MSANTD2: variants seen among roughly 807,000 people sequenced by gnomAD.
MSANTD2 encodes the protein myb/SANT-like DNA-binding domain-containing protein 2.
A neutral mutation model predicts 52.6 loss-of-function variants in MSANTD2; 19 were observed. That is an observed-to-expected ratio of 0.36 (90% CI 0.25 to 0.53). The LOEUF (loss-of-function observed/expected upper bound fraction) is 0.53, where lower values mean the gene tolerates loss of function less well. Among genes scored for constraint, MSANTD2 ranks in the 20% least tolerant of loss-of-function variants. The pLI, the probability that MSANTD2 is intolerant of heterozygous loss-of-function variation, is 0.91. For missense variants in MSANTD2, 558 were observed against 716.3 expected (o/e 0.78, Z 2.52); for synonymous variants, 291 against 289.7 (o/e 1.00, Z -0.04).
intron 1 of MSANTD2, chr11:124,783,759 A>G: frequency 1.0e-6 from 1 of 985,370 alleles, no homozygotes; most frequent in Non-Finnish European, 1.2e-6. Context: ...GGTCGTGCCC[A>G]TTCAGATTAC....
chr11:124,783,942 C>G (rs917075770), intron 1 of MSANTD2: 1 of 985,260 alleles, frequency 1.0e-6, no homozygotes, highest in Non-Finnish European at 1.2e-6. Flanking sequence ...AAAGGTCACA[C>G]CTAGCATGCA....
At chr11:124,784,517 C>A (rs767632891) in intron 1 of MSANTD2, 6 of 984,352 alleles carry the variant, frequency 6.1e-6, no homozygotes, top group Non-Finnish European at 7.2e-6. Flanking sequence ...CCGCACACAG[C>A]TTTACCATTA....
rs1341520809 is a variant in MSANTD2, at chr11:124,779,506, C to T, written c.511-4532G>A. 6.6e-6 allele frequency among the ~76,000 whole-genome samples: 1 copy of T among 152,146 alleles called. No homozygotes were observed. Among genetic ancestry groups the T allele is most frequent in the Non-Finnish European group, 1.5e-5 (1 of 68,030 alleles). On this transcript the variant is annotated intron_variant, in intron 1 of 3. Coordinates refer to ENST00000374979, the MANE Select transcript of MSANTD2 (RefSeq NM_001308027.2). The surrounding 1 kb of genome is among the most constrained non-coding windows in gnomAD (Gnocchi z 4.6). ...ACACTGTTCTAGCTAACTGACCATA[C>T]ATGGAATGGAGCACTATAACGTGGA...
chr11:124,796,114 A>C (rs1037934632), intron 1 of MSANTD2, among the ~76,000 whole-genome samples: 1 of 152,238 alleles, frequency 6.6e-6, no homozygotes, highest in African/African-American at 2.4e-5. Context: ...ACAGTATTAA[A>C]AAGTAGGATG....
At chr11:124,799,794 G>C (rs1372717367) in intron 1 of MSANTD2, 77 bp downstream of exon 1, 8 of 1,125,546 alleles carry the variant, frequency 7.1e-6, no homozygotes, top group Non-Finnish European at 9.9e-6. Context: ...CCCTCAGACC[G>C]GCCCCCGCCC....
At chr11:124,789,333 G>A (rs1261983436) in intron 1 of MSANTD2, 1 of 152,134 alleles carries the variant, frequency 6.6e-6, no homozygotes, top group Non-Finnish European at 1.5e-5. Flanking sequence ...AGATAGTAGA[G>A]AGACAGTACT....
At chr11:124,782,343 TG>T in intron 1 of MSANTD2, among the ~76,000 whole-genome samples, 1 of 151,862 alleles carries the variant, frequency 6.6e-6, no homozygotes, top group African/African-American at 2.4e-5. Context: ...TCTCAGCTAC[TG>T]GGGAGGCTGA....
At chr11:124,795,530 T>G (rs1404747516) in intron 1 of MSANTD2, among the ~76,000 whole-genome samples, 1 of 152,220 alleles carries the variant, frequency 6.6e-6, no homozygotes, top group Non-Finnish European at 1.5e-5. Context: ...ATCACACTTA[T>G]AGTCTGCTTT....
chr11:124,793,130 TTTAAG>T (rs993325635), intron 1 of MSANTD2, among the ~76,000 whole-genome samples: 2 of 152,224 alleles, frequency 1.3e-5, no homozygotes, highest in Non-Finnish European at 2.9e-5. Context: ...ATTTATATTG[TTTAAG>T]TTATCAATCC....
intron 1 of MSANTD2, 136 bp from the exon 2 acceptor site, chr11:124,775,110 A>T (rs188769280): frequency 2.8e-6 from 2 of 723,956 alleles, no homozygotes; most frequent in Admixed American, 6.8e-5. Context: ...CTAGATTTCA[A>T]ATTCATTATT....
In MSANTD2 at chr11:124,766,573, C is replaced by G. The variant is rs1311951947; in HGVS notation, c.*603G>C. 1 of 152,144 alleles carries G rather than the reference C, an allele frequency of 6.6e-6. No homozygotes were observed. The highest frequency in any genetic ancestry group is 1.5e-5 in the Non-Finnish European group (1 of 67,990). The allele number at this position is 152,144 out of a possible 1,614,324, so 9.4% of individuals were successfully genotyped here. On this transcript the variant is annotated 3_prime_UTR_variant, in exon 4 of 4. Transcript: ENST00000374979. ...ACACAACTGTAAAGTTGGTACATCA[C>G]AGAAACAAAGGTCTTTGCAAGCAAT...
rs1306108753 is a variant in MSANTD2 at position 124,776,200 on chromosome 11, C to T, written c.511-1226G>A. On this transcript the variant is annotated intron_variant, in intron 1 of 3. Transcript: ENST00000374979. ...ACTGCCAGACTAAATTTATCCTAAA[C>T]GTGAGATTGCTCTCCATAAGCCAAT... 6 of 152,360 alleles carry T rather than the reference C, an allele frequency of 3.9e-5. No homozygotes were observed. The East Asian group carries it at 9.6e-4, about 24-fold the overall frequency. The allele number at this position is 152,360 out of a possible 1,614,324, so 9.4% of individuals were successfully genotyped here.
intron 2 of MSANTD2, 169 bp from the exon 3 acceptor site, chr11:124,773,223 T>G: frequency 1.9e-6 from 1 of 520,644 alleles, no homozygotes; most frequent in Non-Finnish European, 3.4e-6. Flanking sequence ...TCTTATATAA[T>G]GAGATGCATA....
At chr11:124,792,879 C>G (rs747543300) in intron 1 of MSANTD2, 2 of 152,166 alleles carry the variant, frequency 1.3e-5, no homozygotes, top group African/African-American at 2.4e-5. Flanking sequence ...CCCTCCCCCC[C>G]TCCAGATACC....
intron 3 of MSANTD2, among the ~76,000 whole-genome samples, chr11:124,772,255 T>C (rs766871079): frequency 9.2e-5 from 14 of 152,226 alleles, no homozygotes; most frequent in Non-Finnish European, 1.9e-4. Flanking sequence ...TCATTTCACC[T>C]AACCTCAGAT....
chr11:124,796,775 A>G (rs1215118910), intron 1 of MSANTD2, among the ~76,000 whole-genome samples: 1 of 152,124 alleles, frequency 6.6e-6, no homozygotes, highest in Non-Finnish European at 1.5e-5. Context: ...CTTTGCTTCT[A>G]TTTTGTAAAA....
At chr11:124,769,787 C>A (rs754127843) in intron 3 of MSANTD2, among the ~76,000 whole-genome samples, 8 of 152,192 alleles carry the variant, frequency 5.3e-5, no homozygotes, top group Non-Finnish European at 1.2e-4. Context: ...TCAGCATTGT[C>A]ATGGCACTAA....
At chr11:124,799,493 C>T (rs529849169) in intron 1 of MSANTD2, among the ~76,000 whole-genome samples, 145 of 152,290 alleles carry the variant, frequency 9.5e-4, no homozygotes, top group Middle Eastern at 3.4e-3. Context: ...GGCCGGTAAG[C>T]CTCTGCCTGG....
chr11:124,797,084 A>C (rs567193637), intron 1 of MSANTD2, among the ~76,000 whole-genome samples: 1 of 152,228 alleles, frequency 6.6e-6, no homozygotes, highest in Non-Finnish European at 1.5e-5. Flanking sequence ...TATTCTTCAG[A>C]CTGGGTTCCA....
Sources: allele counts gnomAD v4.1 joint callset (sites outside exome capture counted in the v4.1 genomes callset), GRCh38; gene constraint gnomAD v4.1.1; non-coding constraint Gnocchi (gnomAD v3.1); transcripts MANE v1.5; gene names NCBI Gene and HGNC (gene_info 2026-07-23, HGNC 2026-07-21).